Variants in AGBL4 observed in about 807,000 individuals in gnomAD.
AGBL4 encodes cytosolic carboxypeptidase 6.
AGBL4 carries 58 observed loss-of-function variants against 66.4 expected under a neutral mutation model. The ratio of observed to expected loss-of-function variants is 0.87; its 90% CI spans 0.71 to 1.09. The LOEUF (loss-of-function observed/expected upper bound fraction) is 1.09, where lower values mean the gene tolerates loss of function less well. Among genes scored for constraint, AGBL4 ranks in the 50% least tolerant of loss-of-function variants. The pLI is 0.00. For synonymous variants in AGBL4, 234 were observed against 222.9 expected, an observed-to-expected ratio of 1.05 and a Z score of -0.44; for missense variants, 579 against 631.0, an observed-to-expected ratio of 0.92 and a Z score of 0.88.
intron 4 of AGBL4, among the ~76,000 whole-genome samples, chr1:49,220,005 A>G (rs973784565): frequency 1.3e-5 from 2 of 152,124 alleles, no homozygotes; most frequent in Non-Finnish European, 2.9e-5. Flanking sequence ...TAACCTATGT[A>G]AAGCATGGCT....
At chr1:48,662,897 T>G (rs1646130342) in intron 7 of AGBL4, among the ~76,000 whole-genome samples, 2 of 152,192 alleles carry the variant, frequency 1.3e-5, no homozygotes, top group African/African-American at 4.8e-5. Context: ...ACATATGAGA[T>G]AACTTCGTTC....
chr1:49,627,118 G>A (rs1383955403), intron 3 of AGBL4, among the ~76,000 whole-genome samples: 1 of 152,056 alleles, frequency 6.6e-6, no homozygotes, highest in African/African-American at 2.4e-5. Flanking sequence ...GCTATTCTTT[G>A]ATGGTCTTGC....
rs200395475 is a variant in AGBL4 at position 49,045,606 on chromosome 1, C to T, written c.572G>A (p.Arg191Gln). ...TACCACACTCTGGCCCAGCTGCTCC[C>T]GAAAGAAGTAATCCATGTTTCTCTT... Reference protein sequence around the residue: ...LQKRNMDYFFREQLGQSVQQR... With the variant: ...LQKRNMDYFFQEQLGQSVQQR... Residue 191 changes from arginine to glutamine, a missense_variant, in exon 5 of 14, where the codon CGG becomes CAG. By Grantham distance (43) the Arg-to-Gln change is conservative. Transcript: ENST00000371839. The T allele has an allele frequency of 4.3e-5, 69 of 1,604,176 alleles. No individual in the cohort carries two copies. Among genetic ancestry groups the T allele is most frequent in the Middle Eastern group, 3.3e-4 (2 of 6,048 alleles).
chr1:49,267,418 C>T (rs561773674), intron 3 of AGBL4, among the ~76,000 whole-genome samples: 5 of 152,230 alleles, frequency 3.3e-5, no homozygotes, highest in South Asian at 4.1e-4. Context: ...CGGTGGCTCA[C>T]GCCTATAATC....
rs188100849 is a variant in AGBL4 at position 49,051,007 on chromosome 1, C to T, written c.378-5207G>A. Among the ~76,000 whole-genome samples the T allele has an allele frequency of 2.9e-3, 445 of 152,032 alleles. 3 individuals are homozygous for T. Among genetic ancestry groups the T allele is most frequent in the South Asian group, 0.024 (115 of 4,814 alleles). On this transcript the variant is annotated intron_variant, in intron 4 of 13. Transcript: ENST00000371839. ...CAGAACATAAGGAAGAAGAGAAGTC[C>T]CAGACCTAATGCAGTACATAAGTTT...
In AGBL4 at chr1:49,788,676, A is replaced by G. The variant is rs530564218; in HGVS notation, c.157+62720T>C. On this transcript the variant is annotated intron_variant, in intron 2 of 13. Transcript: ENST00000371839. ...GGCTGAAAAACAGATTAGAAACATC[A>G]GAATAAAAAGAAACTATTACAAAAT... Among the ~76,000 whole-genome samples the G allele has an allele frequency of 5.3e-5, 8 of 152,328 alleles. No individual in the cohort carries two copies. In the South Asian group the frequency reaches 1.7e-3, roughly 32 times the overall value.
At chr1:49,957,037 C>T (rs1350249798) in intron 1 of AGBL4, among the ~76,000 whole-genome samples, 2 of 151,846 alleles carry the variant, frequency 1.3e-5, no homozygotes, top group African/African-American at 4.8e-5. Context: ...CATGAATGTA[C>T]AGCATCAACT....
chr1:50,023,580 T>A (rs1572076662), intron 1 of AGBL4, among the ~76,000 whole-genome samples, 183 bp downstream of exon 1: 1 of 152,042 alleles, frequency 6.6e-6, no homozygotes, highest in South Asian at 2.1e-4. Context: ...GACTTCGAGG[T>A]CCCTGCCCGC....
At chr1:49,074,625 C>T (rs1005136416) in intron 4 of AGBL4, among the ~76,000 whole-genome samples, 6 of 152,110 alleles carry the variant, frequency 3.9e-5, no homozygotes, top group African/African-American at 7.2e-5. Flanking sequence ...TATGAGCCCT[C>T]ATTTAAAGAA....
At chr1:50,020,690 T>C (rs1191949334) in intron 1 of AGBL4, among the ~76,000 whole-genome samples, 1 of 152,216 alleles carries the variant, frequency 6.6e-6, no homozygotes, top group Admixed American at 6.5e-5. Context: ...ACTAATTCTT[T>C]GCAGATCTTA....
At chr1:49,025,463 C>T (rs963383091) in intron 5 of AGBL4, 5 of 152,174 alleles carry the variant, frequency 3.3e-5, no homozygotes, top group African/African-American at 1.2e-4. Flanking sequence ...CAAGAGAAGT[C>T]AGAGCCCTCA....
chr1:48,710,446 G>T (rs1221785206), intron 6 of AGBL4, among the ~76,000 whole-genome samples: 1 of 152,208 alleles, frequency 6.6e-6, no homozygotes, highest in Admixed American at 6.5e-5. Flanking sequence ...AGCGTGGGGT[G>T]GTTTGCTTGT....
chr1:49,721,937 AT>A, intron 2 of AGBL4, among the ~76,000 whole-genome samples: 1 of 152,336 alleles, frequency 6.6e-6, no homozygotes, highest in East Asian at 1.9e-4. Flanking sequence ...TATCTGAGAT[AT>A]GAGTTAATGA....
chr1:48,925,914 C>T (rs1461774825), intron 5 of AGBL4, among the ~76,000 whole-genome samples: 1 of 152,114 alleles, frequency 6.6e-6, no homozygotes, highest in Non-Finnish European at 1.5e-5. Context: ...CTCCACTCTC[C>T]CCCTACAACC....
intron 6 of AGBL4, among the ~76,000 whole-genome samples, chr1:48,689,665 T>C (rs2148490903): frequency 6.6e-6 from 1 of 152,284 alleles, no homozygotes; most frequent in South Asian, 2.1e-4. Context: ...TAGAAAGTTT[T>C]TTCATTATCC....
At chr1:49,452,441 C>G (rs1646298046) in intron 3 of AGBL4, among the ~76,000 whole-genome samples, 1 of 151,846 alleles carries the variant, frequency 6.6e-6, no homozygotes, top group Non-Finnish European at 1.5e-5. Flanking sequence ...CTTGTCGAAT[C>G]TGTGTTTCTG....
chr1:49,784,911 T>C (rs139302545), intron 2 of AGBL4, among the ~76,000 whole-genome samples: 209 of 152,098 alleles, frequency 1.4e-3, no homozygotes, highest in African/African-American at 4.8e-3. Flanking sequence ...TCACACCCAA[T>C]AGGATAACCA....
In AGBL4 at chr1:48,658,073, T is replaced by C. The variant is rs567505484; in HGVS notation, c.725-4622A>G. Among the ~76,000 whole-genome samples, 10 of 152,270 alleles carry C rather than the reference T, an allele frequency of 6.6e-5. 1 individual carries two copies. Among genetic ancestry groups the C allele is most frequent in the African/African-American group, 2.4e-4 (10 of 41,548 alleles). On this transcript the variant is annotated intron_variant, in intron 7 of 13. Transcript: ENST00000371839. ...CCCATGACAACTACTGTATATTCATTAGCTGGACTGACTTGTAATTCTATT... is the reference window on the plus strand; with the variant it reads ...CCCATGACAACTACTGTATATTCATCAGCTGGACTGACTTGTAATTCTATT...
At chr1:49,963,800 A>C (rs1657320605) in intron 1 of AGBL4, among the ~76,000 whole-genome samples, 1 of 152,162 alleles carries the variant, frequency 6.6e-6, no homozygotes, top group Admixed American at 6.6e-5. Flanking sequence ...AAAGAGCAGA[A>C]ATTATAATGC....
Sources: allele counts gnomAD v4.1 joint callset (sites outside exome capture counted in the v4.1 genomes callset), GRCh38; gene constraint gnomAD v4.1.1; transcripts MANE v1.5; gene names NCBI Gene and HGNC (gene_info 2026-07-23, HGNC 2026-07-21).